Variants in CNTN1 observed in about 807,000 individuals in gnomAD.
CNTN1 encodes contactin 1, also known as contactin-1.
CNTN1 carries 38 observed loss-of-function variants against 126.4 expected under a neutral mutation model. The observed-to-expected ratio is 0.30, with a 90% CI of 0.23 to 0.39. The LOEUF (loss-of-function observed/expected upper bound fraction) is 0.39, where lower values mean the gene tolerates loss of function less well. CNTN1 is among the 10% of genes least tolerant of loss of function. CNTN1 has a pLI of 1.00. For missense variants in CNTN1, 1,009 were observed against 1,248.4 expected (o/e 0.81, Z 2.89); for synonymous variants, 413 against 422.6 (o/e 0.98, Z 0.28).
At chr12:41,064,575 T>G (rs898680215) in intron 23 of CNTN1, among the ~76,000 whole-genome samples, 1 of 152,214 alleles carries the variant, frequency 6.6e-6, no homozygotes, top group Non-Finnish European at 1.5e-5. Context: ...CAAACCGTGA[T>G]AAGCAGAGTC....
At chr12:40,909,525 A>G (rs921841962) in intron 2 of CNTN1, among the ~76,000 whole-genome samples, 18 of 152,026 alleles carry the variant, frequency 1.2e-4, no homozygotes, top group Admixed American at 8.5e-4. Flanking sequence ...ATCCCCATTG[A>G]TCACTTTAAT....
chr12:41,041,875 G>T (rs1349609837), intron 23 of CNTN1, among the ~76,000 whole-genome samples: 1 of 151,684 alleles, frequency 6.6e-6, no homozygotes, highest in African/African-American at 2.4e-5. Context: ...AGCTCCTGGG[G>T]GCTTTAATTT....
rs574878567 is a variant in CNTN1 at position 41,042,476 on chromosome 12, G to T, written c.2980+13257G>T. ...AGGTCAATTCCTGGGTATCCTTGTT[G>T]ACTTTCTGTCTCGTTGATCTGTCTA... On this transcript the variant is annotated intron_variant, in intron 23 of 23. Transcript: ENST00000551295. Among the ~76,000 whole-genome samples the T allele has an allele frequency of 5.3e-4, 80 of 151,980 alleles. 1 individual carries two copies. The East Asian group carries it at 0.013, about 25-fold the overall frequency.
chr12:40,747,401 G>C (rs1416116120), intron 1 of CNTN1, among the ~76,000 whole-genome samples: 1 of 151,522 alleles, frequency 6.6e-6, no homozygotes, highest in Non-Finnish European at 1.5e-5. Context: ...AAAGACATGG[G>C]AGAAGAATTA....
intron 17 of CNTN1, among the ~76,000 whole-genome samples, chr12:40,999,325 A>T (rs1014291307): frequency 3.3e-5 from 5 of 152,174 alleles, no homozygotes; most frequent in Non-Finnish European, 5.9e-5. Context: ...TAATTCAATA[A>T]TTTTTCTGAA....
intron 1 of CNTN1, among the ~76,000 whole-genome samples, chr12:40,735,722 G>A (rs1937645961): frequency 6.6e-6 from 1 of 152,038 alleles, no homozygotes; most frequent in South Asian, 2.1e-4. Flanking sequence ...TATCAAATCA[G>A]CGTGCAGGAA....
intron 15 of CNTN1, among the ~76,000 whole-genome samples, chr12:40,968,146 G>T (rs879741622): frequency 2.6e-5 from 4 of 152,070 alleles, no homozygotes; most frequent in Non-Finnish European, 1.5e-5. Flanking sequence ...GGAAGAACAA[G>T]GTTTGAATGC....
At chr12:40,963,284 A>T (rs1947172887) in intron 15 of CNTN1, among the ~76,000 whole-genome samples, 1 of 152,054 alleles carries the variant, frequency 6.6e-6, no homozygotes, top group South Asian at 2.1e-4. Flanking sequence ...GTGGCAAGAG[A>T]TTAAAATGCT....
intron 1 of CNTN1, chr12:40,728,982 A>C (rs1281540411): frequency 6.6e-6 from 1 of 152,554 alleles, no homozygotes; most frequent in Non-Finnish European, 1.5e-5. Context: ...AAAAGCAAGA[A>C]GTGTCTTTCT....
chr12:40,926,892 A>G (rs1212522972), intron 6 of CNTN1, among the ~76,000 whole-genome samples: 1 of 152,120 alleles, frequency 6.6e-6, no homozygotes, highest in African/African-American at 2.4e-5. Flanking sequence ...GTGGCATAAA[A>G]GTTTTTGCTG....
intron 17 of CNTN1, among the ~76,000 whole-genome samples, chr12:40,997,756 G>A (rs1948255190): frequency 6.6e-6 from 1 of 152,110 alleles, no homozygotes; most frequent in African/African-American, 2.4e-5. Context: ...GCTGATCTGG[G>A]TATCCAATTA....
intron 1 of CNTN1, among the ~76,000 whole-genome samples, chr12:40,883,014 A>C (rs1943918097): frequency 6.6e-6 from 1 of 151,596 alleles, no homozygotes; most frequent in South Asian, 2.1e-4. Context: ...CAGAATATTT[A>C]TTCATCACTG....
At chr12:40,706,922 C>G (rs1390515447) in intron 1 of CNTN1, among the ~76,000 whole-genome samples, 2 of 152,206 alleles carry the variant, frequency 1.3e-5, no homozygotes, top group African/African-American at 2.4e-5. Flanking sequence ...ATCTGCATTT[C>G]TAACAGTGTC....
intron 1 of CNTN1, among the ~76,000 whole-genome samples, chr12:40,855,300 A>C (rs958307508): frequency 1.1e-4 from 17 of 152,218 alleles, no homozygotes; most frequent in Admixed American, 1.0e-3. Context: ...AGCATATTGT[A>C]AATTTTGCCA....
chr12:40,761,117 C>A (rs1336074907), intron 1 of CNTN1, among the ~76,000 whole-genome samples: 1 of 152,034 alleles, frequency 6.6e-6, no homozygotes, highest in Non-Finnish European at 1.5e-5. Flanking sequence ...TGTAAATCAA[C>A]ATGATAAAAT....
In CNTN1 at chr12:40,813,050, T is replaced by TCCTC. The variant is rs1233595227; in HGVS notation, c.-76-95306_-76-95305insCTCC. On this transcript the variant is annotated intron_variant, in intron 1 of 23. Transcript: ENST00000551295. ...TTTCTCTTTCTTTCCTTTCTTTCTT[T>TCCTC]CTTTCTTTCTTCCTTCCTTCCTTCC... Among the ~76,000 whole-genome samples the TCCTC allele has an allele frequency of 4.7e-4, 62 of 132,078 alleles. 2 individuals carry two copies. Among genetic ancestry groups the TCCTC allele is most frequent in the African/African-American group, 1.7e-3 (60 of 35,048 alleles). The allele number at this position is 132,078 out of a possible 152,430, so 86.6% of individuals were successfully genotyped here. A position where few individuals can be genotyped will look rare whatever the true frequency, so the allele number is the denominator to read the frequency against.
At chr12:40,818,225 T>C (rs965727845) in intron 1 of CNTN1, among the ~76,000 whole-genome samples, 2 of 152,230 alleles carry the variant, frequency 1.3e-5, no homozygotes, top group Admixed American at 6.5e-5. Flanking sequence ...CTTTCTAGGT[T>C]GGGGAAGTTC....
chr12:40,974,957 A>AT lies in CNTN1; in HGVS notation c.1805-5951dup, dbSNP rs1566073480. ...TAGCAGTTCAAGTCCAAAGAGAACA[A>AT]TAGTGTAGACTTGTTGTCATCCAGG... On this transcript the variant is annotated intron_variant, in intron 15 of 23. Coordinates refer to ENST00000551295, the MANE Select transcript of CNTN1 (RefSeq NM_001843.4). Among the ~76,000 whole-genome samples, 9 of 152,100 alleles carry AT rather than the reference A, an allele frequency of 5.9e-5. No individual in the cohort carries two copies. In the South Asian group the frequency reaches 1.9e-3, roughly 32 times the overall value.
intron 1 of CNTN1, among the ~76,000 whole-genome samples, chr12:40,846,525 A>G (rs1344972822): frequency 6.6e-6 from 1 of 152,176 alleles, no homozygotes; most frequent in Non-Finnish European, 1.5e-5. Flanking sequence ...CATTGCTCCC[A>G]TGTGTCGTCA....
Sources: allele counts gnomAD v4.1 joint callset (sites outside exome capture counted in the v4.1 genomes callset), GRCh38; gene constraint gnomAD v4.1.1; transcripts MANE v1.5; gene names NCBI Gene and HGNC (gene_info 2026-07-23, HGNC 2026-07-21).